SMCO2: variants seen among roughly 807,000 people sequenced by gnomAD.
SMCO2 encodes single-pass membrane and coiled-coil domain-containing protein 2.
A neutral mutation model predicts 29.5 loss-of-function variants in SMCO2; 25 were observed. That is an observed-to-expected ratio of 0.85 (90% CI 0.62 to 1.18). The LOEUF is 1.18. Ranked by LOEUF, SMCO2 falls within the 50% of genes most tolerant of loss-of-function variation. The probability of loss-of-function intolerance (pLI) is 0.00; values close to 1 mark genes in which losing one functional copy is unlikely to be tolerated. For synonymous variants in SMCO2, 117 were observed against 123.3 expected (o/e 0.95, Z 0.34); for missense variants, 348 against 344.5 (o/e 1.01, Z -0.08).
At chr12:27,433,570 A>G in the SMCO2 span, among the ~76,000 whole-genome samples, 2 of 152,140 alleles carry the variant, frequency 1.3e-5, no homozygotes, top group Non-Finnish European at 2.9e-5. Flanking sequence ...CCAGGAATGA[A>G]CATTGCAAAA....
the SMCO2 span, among the ~76,000 whole-genome samples, chr12:27,446,833 TG>T: frequency 6.6e-6 from 1 of 152,126 alleles, no homozygotes; most frequent in Non-Finnish European, 1.5e-5. Flanking sequence ...TCAGTAAGTC[TG>T]GGAGGGGGCC....
chr12:27,501,434 A>C (rs111272907), intron 7 of SMCO2, among the ~76,000 whole-genome samples: 19,673 of 132,898 alleles, frequency 0.15, 2,774 homozygotes, highest in African/African-American at 0.32. Flanking sequence ...AAAAAAAAAA[A>C]AAACAAACAA....
At chr12:27,488,936 A>T (rs1318924321) in intron 5 of SMCO2, among the ~76,000 whole-genome samples, 2 of 152,190 alleles carry the variant, frequency 1.3e-5, no homozygotes, top group Non-Finnish European at 1.5e-5. Flanking sequence ...TTTGTCTTGG[A>T]TGCCCCATGA....
chr12:27,472,969 A>C (rs1221053817), intron 3 of SMCO2, 94 bp downstream of exon 3: 3 of 905,252 alleles, frequency 3.3e-6, no homozygotes, highest in Admixed American at 4.6e-5. Flanking sequence ...TGGTAAGAAA[A>C]TATCTGAGGG....
rs1263430859 is a variant in SMCO2 at position 27,501,928 on chromosome 12, G to A, written c.689G>A (p.Arg230His). ...GATGTTTTCTCTCTTTGTAGGAAAC[G>A]TGCACTGAGGATTTTCATCATGTTT... The change falls in exon 8 of 8, where the codon CGT (arginine) becomes CAT (histidine). Residue 230 changes from arginine to histidine, a missense_variant. Transcript: ENST00000298876. 5 of 1,535,368 alleles carry A rather than the reference G, an allele frequency of 3.3e-6. No homozygotes were observed. In the African/African-American group the frequency reaches 4.3e-5, roughly 13 times the overall value.
At chr12:27,484,028 T>G (rs1237253425) in intron 4 of SMCO2, among the ~76,000 whole-genome samples, 2 of 152,202 alleles carry the variant, frequency 1.3e-5, no homozygotes, top group East Asian at 3.9e-4. Flanking sequence ...TTACCAGTGC[T>G]CTTCATTCAT....
chr12:27,488,351 G>A, intron 4 of SMCO2, 109 bp from the exon 6 acceptor site: 2 of 660,426 alleles, frequency 3.0e-6, no homozygotes, highest in Non-Finnish European at 2.3e-6. Flanking sequence ...CACTACCAAA[G>A]CATCCTTTTA....
chr12:27,435,549 C>G, the SMCO2 span, among the ~76,000 whole-genome samples: 2 of 150,954 alleles, frequency 1.3e-5, no homozygotes, highest in Non-Finnish European at 3.0e-5. Context: ...CTCTCTCCCC[C>G]CCATCCCCCA....
intron 4 of SMCO2, among the ~76,000 whole-genome samples, chr12:27,479,577 C>G (rs866133143): frequency 6.6e-6 from 1 of 152,202 alleles, no homozygotes; most frequent in South Asian, 2.1e-4. Context: ...TGGCTGTGTC[C>G]CCGCCCAAAT....
chr12:27,481,939 C>T (rs974258438), intron 4 of SMCO2, among the ~76,000 whole-genome samples: 1 of 150,890 alleles, frequency 6.6e-6, no homozygotes, highest in African/African-American at 2.4e-5. Context: ...GCTAAAAGAC[C>T]CAGCTTTTGA....
At chr12:27,455,998 C>G in the SMCO2 span, among the ~76,000 whole-genome samples, 1 of 152,212 alleles carries the variant, frequency 6.6e-6, no homozygotes, top group African/African-American at 2.4e-5. Context: ...TCCCAAAATC[C>G]TGAGGTTGGG....
At chr12:27,439,134 A>G in the SMCO2 span, among the ~76,000 whole-genome samples, 1 of 152,214 alleles carries the variant, frequency 6.6e-6, no homozygotes, top group Admixed American at 6.5e-5. Context: ...CCCTAAGGAT[A>G]GGCAGAGACA....
exon 4 of SMCO2, chr12:27,474,865 C>T (rs1485191864): frequency 6.4e-7 from 1 of 1,551,492 alleles, no homozygotes; most frequent in South Asian, 1.2e-5. Flanking sequence ...GATGAGGACC[C>T]TCAAGCGTCT....
Position 27,470,642 on chromosome 12 carries a change from C to A in SMCO2, c.11C>A (p.Thr4Lys), listed in dbSNP as rs558131580. 1.9e-6 allele frequency: 3 copies of A among 1,550,704 alleles called. No homozygotes were observed. In the African/African-American group the frequency reaches 4.1e-5, roughly 21 times the overall value. ...TACAGTGCCGAAGAAATGGCTCTCACGCCCACAAACCTAAATAACAAAATG... is the reference window on the plus strand; with the variant it reads ...TACAGTGCCGAAGAAATGGCTCTCAAGCCCACAAACCTAAATAACAAAATG... Residue 4 changes from threonine (T) to lysine (K), a missense_variant, in exon 2 of 8, where the codon ACG (threonine) becomes AAG (lysine). Physicochemically the swap from Thr to Lys is moderately conservative, Grantham distance 78. Coordinates refer to ENST00000298876, the Ensembl canonical transcript of SMCO2.
At chr12:27,472,831 G>A in exon 3 of SMCO2, 10 of 1,550,794 alleles carry the variant, frequency 6.4e-6, no homozygotes, top group Non-Finnish European at 8.7e-6. Context: ...GGATGATGAG[G>A]ATGACATTTC....
intron 4 of SMCO2, among the ~76,000 whole-genome samples, chr12:27,486,409 A>G (rs983434512): frequency 6.6e-6 from 1 of 152,194 alleles, no homozygotes; most frequent in Non-Finnish European, 1.5e-5. Flanking sequence ...TGAAGTAACT[A>G]TAGATCCCAT....
At chr12:27,471,117 A>G (rs1025403428) in intron 2 of SMCO2, among the ~76,000 whole-genome samples, 1 of 152,204 alleles carries the variant, frequency 6.6e-6, no homozygotes, top group African/African-American at 2.4e-5. Context: ...GTATAAACAC[A>G]TATATACATT....
chr12:27,470,467 G>A (rs1480308451), intron 1 of SMCO2, among the ~76,000 whole-genome samples, 155 bp from the exon 2 acceptor site: 2 of 148,854 alleles, frequency 1.3e-5, no homozygotes, highest in Admixed American at 6.8e-5. Flanking sequence ...AAATCTAAGA[G>A]CTTGTTTTGG....
chr12:27,494,364 T>A lies in SMCO2; in HGVS notation c.507+8T>A, dbSNP rs1942970080. 1 of 1,516,104 alleles carries A rather than the reference T, an allele frequency of 6.6e-7. No individual in the cohort carries two copies. Among genetic ancestry groups the A allele is most frequent in the Non-Finnish European group, 8.9e-7 (1 of 1,129,698 alleles). The allele number at this position is 1,516,104 out of a possible 1,614,324, so 93.9% of individuals were successfully genotyped here. A position where few individuals can be genotyped will look rare whatever the true frequency, so the allele number is the denominator to read the frequency against. On this transcript the variant is annotated splice_region_variant and intron_variant, in intron 6 of 7. Transcript: ENST00000298876. The stretch of plus-strand genomic sequence containing the variant: ...GTCATAGAAAGGCTGGAGGTAAGAT[T>A]TCAGTTACACAATTCAAACAATGAT...
Sources: allele counts gnomAD v4.1 joint callset (sites outside exome capture counted in the v4.1 genomes callset), GRCh38; gene constraint gnomAD v4.1.1; transcripts MANE v1.5; gene names NCBI Gene and HGNC (gene_info 2026-07-23, HGNC 2026-07-21).